The following PRDM1 variants were observed in gnomAD, a reference collection of about 807,000 sequenced individuals.
PRDM1 encodes the protein PR/SET domain 1.
PRDM1 carries 13 observed loss-of-function variants against 62.8 expected under a neutral mutation model. The observed-to-expected ratio is 0.21, with a 90% CI of 0.13 to 0.33. PRDM1 has a LOEUF of 0.33. Ranked by LOEUF, PRDM1 falls within the 10% of genes least tolerant of loss-of-function variation. The pLI is 1.00. For synonymous variants in PRDM1, 396 were observed against 417.6 expected (o/e 0.95, Z 0.63); for missense variants, 895 against 1,058.8 (o/e 0.85, Z 2.15).
rs114233723 is a variant in PRDM1 at position 106,053,334 on chromosome 6, T to C, written c.-67+4620T>C. Among the ~76,000 whole-genome samples, 162 of 152,220 alleles carry C rather than the reference T, an allele frequency of 1.1e-3. 1 individual carries two copies. The highest frequency in any genetic ancestry group is 3.8e-3 in the African/African-American group (157 of 41,534). ...CAGACAGAAGACCTCTTAGTGAAAA[T>C]TGTAACCCAGTTGGAAATTAAAATT... On this transcript the variant is annotated intron_variant, in intron 1 of 6. Coordinates refer to the PRDM1 transcript ENST00000651185.
chr6:106,025,395 A>G (rs12216416), intron 1 of PRDM1, among the ~76,000 whole-genome samples: 36,401 of 152,198 alleles, frequency 0.24, 5,026 homozygotes, highest in Non-Finnish European at 0.32. Flanking sequence ...TAAAAGATCC[A>G]TAACTTTCAG....
chr6:106,030,810 A>C (rs554239736), intron 1 of PRDM1, among the ~76,000 whole-genome samples: 1 of 152,314 alleles, frequency 6.6e-6, no homozygotes, highest in African/African-American at 2.4e-5. Flanking sequence ...TGAATTGCTC[A>C]AGCATCTTCA....
At chr6:106,012,553 C>T (rs1182467895) in intron 1 of PRDM1, among the ~76,000 whole-genome samples, 2 of 150,020 alleles carry the variant, frequency 1.3e-5, no homozygotes, top group African/African-American at 2.5e-5. Context: ...CCCCACACAC[C>T]CAACACTCCC....
chr6:106,062,403 T>C (rs1256298158), intron 1 of PRDM1, among the ~76,000 whole-genome samples: 1 of 152,226 alleles, frequency 6.6e-6, no homozygotes, highest in Non-Finnish European at 1.5e-5. Context: ...AAAATTCATA[T>C]CTTGAAAGTG....
chr6:106,053,474 C>T, intron 1 of PRDM1, among the ~76,000 whole-genome samples: 1 of 151,262 alleles, frequency 6.6e-6, no homozygotes, highest in East Asian at 1.9e-4. Flanking sequence ...GTTGAGACCC[C>T]AATTTAGAAA....
At chr6:106,012,569 A>C (rs961417353) in intron 1 of PRDM1, among the ~76,000 whole-genome samples, 1 of 151,230 alleles carries the variant, frequency 6.6e-6, no homozygotes. Flanking sequence ...CTCCCCACAC[A>C]CATCCCACAT....
At chr6:106,072,629 T>TG (rs1562159668) in intron 1 of PRDM1, among the ~76,000 whole-genome samples, 1 of 152,238 alleles carries the variant, frequency 6.6e-6, no homozygotes, top group African/African-American at 2.4e-5. Context: ...AGCATCACTT[T>TG]GGGGGGCTCT....
intron 1 of PRDM1, among the ~76,000 whole-genome samples, chr6:106,055,836 T>C (rs1773257805): frequency 1.3e-5 from 2 of 152,194 alleles, no homozygotes; most frequent in African/African-American, 4.8e-5. Context: ...TCAGAGTCAC[T>C]ATTGACACTT....
rs964855362 is a variant in PRDM1 at position 105,994,713 on chromosome 6, C to T, written c.-67+1074C>T. Among the ~76,000 whole-genome samples the T allele has an allele frequency of 3.9e-5, 6 of 152,188 alleles. No homozygotes were observed. In the East Asian group the frequency reaches 1.2e-3, roughly 29 times the overall value. On this transcript the variant is annotated intron_variant, in intron 1 of 6. Transcript: ENST00000652320. This position sits in a 1 kb window ranked among gnomAD's most constrained non-coding sequence, Gnocchi z 4.1. Reference sequence around the variant, plus strand: ...ACAAACTTCCAGATAAATCTTTGCCCGGATCCTCCTGCGGTCAAAGCATCA... The same window carrying T: ...ACAAACTTCCAGATAAATCTTTGCCTGGATCCTCCTGCGGTCAAAGCATCA...
chr6:106,034,499 CTTTT>C (rs1772894895), intron 1 of PRDM1, among the ~76,000 whole-genome samples: 2 of 151,830 alleles, frequency 1.3e-5, no homozygotes, highest in South Asian at 4.2e-4. Flanking sequence ...TTGATTTCTT[CTTTT>C]ATTATTTAAT....
intron 1 of PRDM1, among the ~76,000 whole-genome samples, chr6:106,036,434 A>G (rs904077218): frequency 1.3e-5 from 2 of 152,122 alleles, no homozygotes; most frequent in Non-Finnish European, 2.9e-5. Context: ...TAACTATTTA[A>G]TTTCTTTGTA....
At position 106,107,269 on chromosome 6, in the gene PRDM1, T is replaced by C. The variant is rs1774521004; in HGVS notation, c.2261T>C (p.Val754Ala). 19 of 1,614,086 alleles carry C rather than the reference T, an allele frequency of 1.2e-5. No individual in the cohort carries two copies. Among genetic ancestry groups the C allele is most frequent in the Admixed American group, 1.7e-5 (1 of 60,014 alleles). Residue 754 changes from valine to alanine, a missense_variant, in exon 7 of 7, where the codon GTA (valine) becomes GCA (alanine). Transcript: ENST00000369096. ...GAGGATGACATCAGTGTGATCTCTG[T>C]AGTGGAGAAGGAAATTCTGGCCGTG... ...DVEDDISVISVVEKEILAVVR... is the reference protein window; with the variant it reads ...DVEDDISVISAVEKEILAVVR...
rs192349882 is a variant in PRDM1 at position 106,086,916 on chromosome 6, G to A, written c.42+321G>A. Among the ~76,000 whole-genome samples, 53 of 151,748 alleles carry A rather than the reference G, an allele frequency of 3.5e-4. 1 individual carries two copies. The highest frequency in any genetic ancestry group is 2.1e-3 in the Admixed American group (32 of 15,242). The stretch of plus-strand genomic sequence containing the variant: ...TGTGTTTGGCGTCATGACTCTACAT[G>A]TTGGAACTAAATAAAAATAAGCAGG... On this transcript the variant is annotated intron_variant, in intron 1 of 6. Transcript: ENST00000369096.
intron 1 of PRDM1, among the ~76,000 whole-genome samples, chr6:106,080,183 G>GA (rs1464197748): frequency 6.6e-6 from 1 of 152,192 alleles, no homozygotes; most frequent in Non-Finnish European, 1.5e-5. Flanking sequence ...AGCTACAAAT[G>GA]AATCAGTGAG....
At position 106,086,378 on chromosome 6, in the gene PRDM1, T is replaced by G; in HGVS notation, c.-176T>G. On this transcript the variant is annotated 5_prime_UTR_variant, in exon 1 of 7. Coordinates refer to ENST00000369096, the MANE Select transcript of PRDM1 (RefSeq NM_001198.4). ...GCCGTGACACTCGGCCCTCCAGTGT[T>G]GCGGAGAGGCAAGAGCAGCGACCGC... The G allele has an allele frequency of 1.7e-6, 1 of 576,150 alleles. No individual in the cohort carries two copies. The allele number at this position is 576,150 out of a possible 1,614,324, so 35.7% of individuals were successfully genotyped here.
intron 1 of PRDM1, among the ~76,000 whole-genome samples, chr6:106,001,357 G>A (rs1772422051): frequency 6.6e-6 from 1 of 152,134 alleles, no homozygotes; most frequent in Non-Finnish European, 1.5e-5. Context: ...TCTTAAAAAT[G>A]CAGAATGTTT....
At chr6:106,098,246 A>C (rs1448723357) in intron 3 of PRDM1, 1 of 985,176 alleles carries the variant, frequency 1.0e-6, no homozygotes, top group Non-Finnish European at 1.2e-6. Flanking sequence ...AATTTCTTAA[A>C]GTCTAAAGTA....
chr6:106,093,108 T>C (rs953200992), intron 2 of PRDM1, among the ~76,000 whole-genome samples: 11 of 152,222 alleles, frequency 7.2e-5, no homozygotes, highest in African/African-American at 2.4e-4. Context: ...GCCTGTTGAA[T>C]TGAATTTGTA....
intron 1 of PRDM1, among the ~76,000 whole-genome samples, chr6:106,074,347 T>C (rs146009165): frequency 3.7e-3 from 558 of 152,312 alleles, no homozygotes; most frequent in African/African-American, 0.013. Context: ...TACCAAACAC[T>C]TGTGGACTTC....
Sources: gnomAD v4.1 joint callset for allele counts (sites outside exome capture counted in the v4.1 genomes callset) on GRCh38, gnomAD v4.1.1 for gene constraint, Gnocchi (gnomAD v3.1) non-coding constraint, MANE v1.5 for transcripts, NCBI Gene and HGNC (gene_info 2026-07-23, HGNC 2026-07-21) for gene names.